The following CTNNA3 variants were observed in gnomAD, a reference collection of about 807,000 sequenced individuals.
The protein encoded by CTNNA3 is catenin alpha-3.
Under a neutral mutation model 95.7 loss-of-function variants are expected in CTNNA3, and 76 were observed. The ratio of observed to expected loss-of-function variants is 0.79; its 90% CI spans 0.66 to 0.96. CTNNA3 has a LOEUF of 0.96. CTNNA3 is among the 40% of genes least tolerant of loss of function. The pLI, the probability that CTNNA3 is intolerant of heterozygous loss-of-function variation, is 0.00. For synonymous variants in CTNNA3, 431 were observed against 374.4 expected (o/e 1.15, Z -1.74); for missense variants, 1,191 against 1,089.8 (o/e 1.09, Z -1.31).
chr10:66,103,600 T>A (rs1228314038), intron 13 of CTNNA3, among the ~76,000 whole-genome samples: 1 of 152,140 alleles, frequency 6.6e-6, no homozygotes, highest in Non-Finnish European at 1.5e-5. Flanking sequence ...GAAAACATCA[T>A]CCTAAGTGAA....
chr10:66,468,802 G>A (rs959843374), intron 11 of CTNNA3, among the ~76,000 whole-genome samples: 5 of 151,592 alleles, frequency 3.3e-5, no homozygotes, highest in South Asian at 2.1e-4. Flanking sequence ...CACTTATAAC[G>A]CCACAGTCCA....
intron 10 of CTNNA3, among the ~76,000 whole-genome samples, chr10:66,567,220 G>A (rs1842739224): frequency 6.6e-6 from 1 of 152,042 alleles, no homozygotes. Flanking sequence ...CTAATCAGTG[G>A]AAGGTGCAAT....
At chr10:67,257,827 T>C (rs1388383201) in intron 5 of CTNNA3, among the ~76,000 whole-genome samples, 1 of 152,216 alleles carries the variant, frequency 6.6e-6, no homozygotes, top group African/African-American at 2.4e-5. Flanking sequence ...GTGTAAATTT[T>C]TGTGAATATA....
At chr10:67,436,648 A>C (rs959222068) in intron 5 of CTNNA3, among the ~76,000 whole-genome samples, 5 of 152,160 alleles carry the variant, frequency 3.3e-5, no homozygotes, top group Non-Finnish European at 5.9e-5. Flanking sequence ...CAATCCCATC[A>C]AAAAATGGGC....
At chr10:66,251,792 GTATT>G (rs2090563513) in intron 13 of CTNNA3, among the ~76,000 whole-genome samples, 1 of 152,112 alleles carries the variant, frequency 6.6e-6, no homozygotes, top group Non-Finnish European at 1.5e-5. Flanking sequence ...TAACTATTAA[GTATT>G]TAATTTGTGC....
chr10:66,423,784 G>T (rs888842718), intron 11 of CTNNA3, among the ~76,000 whole-genome samples: 24 of 152,132 alleles, frequency 1.6e-4, no homozygotes, highest in African/African-American at 5.8e-4. Context: ...CACTGAAATC[G>T]GCCAGAAGCC....
At chr10:67,030,650 A>G (rs1226752942) in intron 7 of CTNNA3, among the ~76,000 whole-genome samples, 1 of 152,136 alleles carries the variant, frequency 6.6e-6, no homozygotes, top group Non-Finnish European at 1.5e-5. Flanking sequence ...GTTTATCACC[A>G]TTATTATTTC....
intron 5 of CTNNA3, among the ~76,000 whole-genome samples, chr10:67,319,634 A>G (rs1841220758): frequency 1.3e-5 from 2 of 152,106 alleles, no homozygotes. Context: ...AGTGGCTCAC[A>G]CCTGTAATCG....
At chr10:67,372,444 C>T (rs191952760) in intron 5 of CTNNA3, among the ~76,000 whole-genome samples, 2,155 of 152,078 alleles carry the variant, frequency 0.014, 53 homozygotes, top group Admixed American at 0.057. Flanking sequence ...TAAAAAGAAA[C>T]GAATAAAGCC....
chr10:67,454,858 T>C (rs1021771885), intron 5 of CTNNA3, among the ~76,000 whole-genome samples: 3 of 152,152 alleles, frequency 2.0e-5, no homozygotes, highest in African/African-American at 7.2e-5. Context: ...ATAAATAAAA[T>C]ATAATTCAAT....
intron 7 of CTNNA3, among the ~76,000 whole-genome samples, chr10:67,135,782 A>ACTAGTCTCAAT (rs1458306596): frequency 6.6e-6 from 1 of 152,174 alleles, no homozygotes; most frequent in East Asian, 1.9e-4. Flanking sequence ...TAAATCTCAC[A>ACTAGTCTCAAT]CTAGTCTCAA....
chr10:67,271,361 G>T (rs1448566101), intron 5 of CTNNA3, among the ~76,000 whole-genome samples: 4 of 151,954 alleles, frequency 2.6e-5, no homozygotes, highest in African/African-American at 7.3e-5. Context: ...TTTTATAAGG[G>T]GCTCTTCCCC....
At chr10:66,341,734 G>A (rs182539411) in intron 12 of CTNNA3, among the ~76,000 whole-genome samples, 2 of 151,880 alleles carry the variant, frequency 1.3e-5, no homozygotes, top group Admixed American at 1.3e-4. Context: ...ATTGGTTTTC[G>A]AAGTGATGCA....
At chr10:66,360,197 CT>C (rs71466867) in intron 12 of CTNNA3, among the ~76,000 whole-genome samples, 54,154 of 149,314 alleles carry the variant, frequency 0.36, 11,091 homozygotes, top group Non-Finnish European at 0.47. Flanking sequence ...AAACACTGAA[CT>C]TTTTTTTTTT....
chr10:65,937,346 C>A (rs552102772), intron 17 of CTNNA3, among the ~76,000 whole-genome samples: 2 of 152,190 alleles, frequency 1.3e-5, no homozygotes, highest in East Asian at 3.9e-4. Flanking sequence ...AGAATAAGTT[C>A]AGAGTATTGA....
chr10:66,773,083 C>T (rs1035020369), intron 8 of CTNNA3, among the ~76,000 whole-genome samples: 2 of 151,958 alleles, frequency 1.3e-5, no homozygotes, highest in African/African-American at 2.4e-5. Flanking sequence ...GTGACTTCTA[C>T]CAAAAATGTA....
intron 5 of CTNNA3, among the ~76,000 whole-genome samples, chr10:67,465,051 G>A (rs1272170515): frequency 2.7e-5 from 4 of 149,586 alleles, no homozygotes; most frequent in African/African-American, 4.8e-5. Flanking sequence ...GAGAATTAGC[G>A]TTGCTTCTGT....
chr10:67,116,609 G>A lies in CTNNA3; in HGVS notation c.1047+63708C>T, dbSNP rs1318202708. On this transcript the variant is annotated intron_variant, in intron 7 of 17. Coordinates refer to ENST00000433211, the MANE Select transcript of CTNNA3 (RefSeq NM_013266.4). The stretch of plus-strand genomic sequence containing the variant: ...CTGAGAGCAAGTGATATTAGATAAA[G>A]TTTATATAAAGGCTACAGTCAACAT... Among the ~76,000 whole-genome samples, 4 of 151,332 alleles carry A rather than the reference G, an allele frequency of 2.6e-5. No homozygotes were observed. The Admixed American group carries it at 2.6e-4, about 10-fold the overall frequency.
chr10:66,760,237 A>G (rs1432547486), intron 9 of CTNNA3, among the ~76,000 whole-genome samples: 2 of 152,144 alleles, frequency 1.3e-5, no homozygotes, highest in Admixed American at 6.6e-5. Context: ...CCTGGTGAGA[A>G]GCTACCACAG....
Sources: allele counts gnomAD v4.1 joint callset (sites outside exome capture counted in the v4.1 genomes callset), GRCh38; gene constraint gnomAD v4.1.1; transcripts MANE v1.5; gene names NCBI Gene and HGNC (gene_info 2026-07-23, HGNC 2026-07-21).